The following THSD7B variants were observed in gnomAD, a reference collection of about 807,000 sequenced individuals.
The protein encoded by THSD7B is thrombospondin type-1 domain-containing protein 7B.
In THSD7B, 138 loss-of-function variants were observed where a neutral mutation model predicts 213.6. The ratio of observed to expected loss-of-function variants is 0.65; its 90% CI spans 0.56 to 0.74. The LOEUF is 0.74. THSD7B is among the 30% of genes least tolerant of loss of function. The pLI, the probability that THSD7B is intolerant of heterozygous loss-of-function variation, is 0.00. For synonymous variants in THSD7B, 742 were observed against 687.0 expected (o/e 1.08, Z -1.25); for missense variants, 1,931 against 1,991.5 (o/e 0.97, Z 0.58).
chr2:137,236,305 TAG>T (rs1228367450), intron 9 of THSD7B, among the ~76,000 whole-genome samples: 1 of 152,168 alleles, frequency 6.6e-6, no homozygotes, highest in Admixed American at 6.5e-5. Context: ...CTGAGAGGCA[TAG>T]AGTTTCTCGC....
intron 2 of THSD7B, among the ~76,000 whole-genome samples, chr2:136,940,131 A>C (rs1309631142): frequency 6.6e-6 from 1 of 152,034 alleles, no homozygotes; most frequent in Non-Finnish European, 1.5e-5. Flanking sequence ...AACAGTATAC[A>C]TTGTACCCAT....
chr2:137,669,281 G>C (rs1048769979), intron 27 of THSD7B, among the ~76,000 whole-genome samples: 2 of 152,174 alleles, frequency 1.3e-5, no homozygotes, highest in Non-Finnish European at 2.9e-5. Flanking sequence ...CTCTTGGTCA[G>C]TGAAAGTTGA....
intron 16 of THSD7B, among the ~76,000 whole-genome samples, chr2:137,568,512 C>G (rs1681286964): frequency 6.6e-6 from 1 of 151,942 alleles, no homozygotes; most frequent in Non-Finnish European, 1.5e-5. Flanking sequence ...AAAGAAATAC[C>G]CGAGACTGGT....
intron 14 of THSD7B, among the ~76,000 whole-genome samples, chr2:137,423,619 T>C (rs1215741004): frequency 6.6e-6 from 1 of 152,134 alleles, no homozygotes; most frequent in Non-Finnish European, 1.5e-5. Flanking sequence ...TTATTTATTA[T>C]ACGCTATAAA....
chr2:137,303,885 TGC>T (rs1015626399), intron 12 of THSD7B, among the ~76,000 whole-genome samples: 6 of 151,056 alleles, frequency 4.0e-5, no homozygotes, highest in African/African-American at 1.5e-4. Context: ...GGTATACACG[TGC>T]CATGGTGGTT....
intron 1 of THSD7B, among the ~76,000 whole-genome samples, chr2:136,798,084 G>A (rs1196798714): frequency 6.6e-6 from 1 of 151,492 alleles, no homozygotes; most frequent in Non-Finnish European, 1.5e-5. Flanking sequence ...GCATTTCTTG[G>A]GCCCTTACAA....
chr2:137,296,435 A>G (rs982408988), intron 12 of THSD7B, among the ~76,000 whole-genome samples: 1 of 152,160 alleles, frequency 6.6e-6, no homozygotes, highest in Non-Finnish European at 1.5e-5. Context: ...GGGCTAACAT[A>G]CAAGTTGGTA....
intron 2 of THSD7B, among the ~76,000 whole-genome samples, chr2:136,995,692 T>G (rs1013311744): frequency 3.9e-5 from 6 of 152,100 alleles, no homozygotes; most frequent in Non-Finnish European, 1.5e-5. Context: ...TTCTCATGAC[T>G]TCATCATTTT....
intron 12 of THSD7B, among the ~76,000 whole-genome samples, chr2:137,295,988 G>C (rs1573941062): frequency 1.3e-5 from 2 of 152,166 alleles, no homozygotes; most frequent in Non-Finnish European, 2.9e-5. Flanking sequence ...TTTTATGGTA[G>C]ATATTTTACA....
At chr2:137,670,692 C>T (rs573996061) in intron 27 of THSD7B, among the ~76,000 whole-genome samples, 5 of 152,106 alleles carry the variant, frequency 3.3e-5, no homozygotes, top group South Asian at 2.1e-4. Context: ...GAGGCCAAGG[C>T]GGGCGGATCA....
chr2:137,363,687 G>T (rs1685330398), intron 12 of THSD7B, among the ~76,000 whole-genome samples: 1 of 152,214 alleles, frequency 6.6e-6, no homozygotes, highest in Non-Finnish European at 1.5e-5. Flanking sequence ...GGCTAAACCA[G>T]GAAGAAGTTG....
intron 21 of THSD7B, among the ~76,000 whole-genome samples, chr2:137,643,606 C>A (rs1223865089): frequency 6.6e-6 from 1 of 152,176 alleles, no homozygotes; most frequent in Non-Finnish European, 1.5e-5. Context: ...AGTCTAAATT[C>A]TTTCCTAAGT....
At chr2:137,096,232 C>G (rs1202826740) in intron 4 of THSD7B, among the ~76,000 whole-genome samples, 2 of 152,094 alleles carry the variant, frequency 1.3e-5, no homozygotes, top group African/African-American at 4.8e-5. Context: ...TTTCTTGTAA[C>G]TTCTATGACT....
At chr2:137,150,048 C>A (rs774299210) in intron 5 of THSD7B, among the ~76,000 whole-genome samples, 1 of 152,008 alleles carries the variant, frequency 6.6e-6, no homozygotes, top group Non-Finnish European at 1.5e-5. Flanking sequence ...TCGAGACCAG[C>A]CTGACCAACA....
At chr2:136,825,983 T>C (rs1487381681) in intron 1 of THSD7B, among the ~76,000 whole-genome samples, 1 of 152,174 alleles carries the variant, frequency 6.6e-6, no homozygotes, top group African/African-American at 2.4e-5. Flanking sequence ...CAATGCAAGA[T>C]AACATATTCA....
intron 7 of THSD7B, among the ~76,000 whole-genome samples, chr2:137,229,042 A>G (rs186481501): frequency 6.6e-6 from 1 of 152,312 alleles, no homozygotes; most frequent in East Asian, 1.9e-4. Context: ...AGAGCACTAC[A>G]TCTCATTTAC....
At chr2:137,583,869 G>A (rs997766412) in intron 17 of THSD7B, among the ~76,000 whole-genome samples, 2 of 152,104 alleles carry the variant, frequency 1.3e-5, no homozygotes, top group Non-Finnish European at 2.9e-5. Context: ...TTCCAATTCT[G>A]TGAAGAAAGT....
At chr2:137,134,861 A>G (rs1202559967) in intron 5 of THSD7B, among the ~76,000 whole-genome samples, 2 of 152,162 alleles carry the variant, frequency 1.3e-5, no homozygotes, top group Non-Finnish European at 2.9e-5. Flanking sequence ...TAACAGCAGT[A>G]ACAATGAGAG....
At chr2:137,513,910 A>G (rs2105156207) in intron 15 of THSD7B, among the ~76,000 whole-genome samples, 1 of 152,316 alleles carries the variant, frequency 6.6e-6, no homozygotes, top group East Asian at 1.9e-4. Context: ...ACTTTGTGTC[A>G]CTTCATTTAT....
Sources: gnomAD v4.1 joint callset for allele counts (sites outside exome capture counted in the v4.1 genomes callset) on GRCh38, gnomAD v4.1.1 for gene constraint, MANE v1.5 for transcripts, NCBI Gene and HGNC (gene_info 2026-07-23, HGNC 2026-07-21) for gene names.